PTK2B: variants seen among roughly 807,000 people sequenced by gnomAD.
The protein encoded by PTK2B is protein tyrosine kinase 2 beta, also known as protein-tyrosine kinase 2-beta.
In PTK2B, 71 loss-of-function variants were observed where a neutral mutation model predicts 142.9. The observed-to-expected ratio is 0.50, with a 90% CI of 0.41 to 0.61. The LOEUF (loss-of-function observed/expected upper bound fraction) is 0.61, where lower values mean the gene tolerates loss of function less well. PTK2B is among the 20% of genes least tolerant of loss of function. The pLI, the probability that PTK2B is intolerant of heterozygous loss-of-function variation, is 0.00. For missense variants in PTK2B, 1,105 were observed against 1,320.4 expected, an observed-to-expected ratio of 0.84 and a Z score of 2.53; for synonymous variants, 519 against 503.4, an observed-to-expected ratio of 1.03 and a Z score of -0.42.
chr8:27,428,243 C>T (rs1810203384), intron 5 of PTK2B, among the ~76,000 whole-genome samples: 1 of 152,210 alleles, frequency 6.6e-6, no homozygotes, highest in South Asian at 2.1e-4. Context: ...TGATGGGAGA[C>T]AGCTGTAAAT....
chr8:27,339,536 A>G (rs775059855), intron 1 of PTK2B, among the ~76,000 whole-genome samples: 1 of 152,228 alleles, frequency 6.6e-6, no homozygotes, highest in Admixed American at 6.5e-5. Context: ...AATACTGGGC[A>G]AGAAGGTAAG....
rs533628028 is a variant in PTK2B at position 27,444,886 on chromosome 8, C to G, written c.2214+615C>G. ...TCCCCTCAACCACCAGAAATAATGT[C>G]CATTTAGTTGGTGCCCTTTATAGAA... On this transcript the variant is annotated intron_variant, in intron 23 of 30. Transcript: ENST00000346049. 6.1e-4 allele frequency among the ~76,000 whole-genome samples: 93 copies of G among 152,276 alleles called. No homozygotes were observed. The Middle Eastern group carries it at 0.01, about 17-fold the overall frequency.
chr8:27,316,912 T>C (rs1313623575), intron 3 of PTK2B, among the ~76,000 whole-genome samples: 8 of 152,230 alleles, frequency 5.3e-5, no homozygotes, highest in Admixed American at 2.6e-4. Flanking sequence ...AAGCTACATA[T>C]AGATAAAATG....
chr8:27,337,270 G>A (rs1384984635), intron 1 of PTK2B, among the ~76,000 whole-genome samples: 2 of 152,014 alleles, frequency 1.3e-5, no homozygotes, highest in African/African-American at 4.8e-5. Context: ...CAAGTAGCTG[G>A]AATTACAGGC....
chr8:27,348,197 G>C (rs1804826156), intron 1 of PTK2B, among the ~76,000 whole-genome samples: 1 of 152,232 alleles, frequency 6.6e-6, no homozygotes. Flanking sequence ...GATGCCTGAA[G>C]TCTGTCCACT....
intron 2 of PTK2B, among the ~76,000 whole-genome samples, chr8:27,415,356 T>C (rs2131731918): frequency 6.6e-6 from 1 of 152,330 alleles, no homozygotes; most frequent in African/African-American, 2.4e-5. Context: ...TTAAAAGGTA[T>C]TCTCTGCTCC....
intron 1 of PTK2B, among the ~76,000 whole-genome samples, chr8:27,366,275 C>T (rs1806014202): frequency 6.6e-6 from 1 of 152,248 alleles, no homozygotes; most frequent in African/African-American, 2.4e-5. Flanking sequence ...CCTTCCATCT[C>T]TTCATCCCCC....
intron 1 of PTK2B, among the ~76,000 whole-genome samples, chr8:27,369,937 A>G (rs1806245895): frequency 1.3e-5 from 2 of 152,178 alleles, no homozygotes; most frequent in Admixed American, 6.5e-5. Flanking sequence ...AGATCACACC[A>G]CTGCACTCCA....
intron 1 of PTK2B, among the ~76,000 whole-genome samples, chr8:27,381,919 C>T (rs1205808772): frequency 6.6e-6 from 1 of 152,168 alleles, no homozygotes; most frequent in Non-Finnish European, 1.5e-5. Context: ...TGATATCGAG[C>T]ATATTTTCAT....
At chr8:27,357,746 A>G (rs976709218) in intron 1 of PTK2B, among the ~76,000 whole-genome samples, 2 of 152,372 alleles carry the variant, frequency 1.3e-5, no homozygotes, top group Admixed American at 6.5e-5. Context: ...GTGCTCTGGC[A>G]TAATAGAAAA....
chr8:27,453,304 C>A, intron 28 of PTK2B, 144 bp downstream of exon 28: 1 of 989,466 alleles, frequency 1.0e-6, no homozygotes, highest in Non-Finnish European at 1.5e-6. Flanking sequence ...GGTTAGGGGG[C>A]GGGTGGCGGG....
intron 5 of PTK2B, among the ~76,000 whole-genome samples, chr8:27,423,188 T>TA (rs1208195088): frequency 1.3e-5 from 2 of 152,046 alleles, no homozygotes; most frequent in African/African-American, 2.4e-5. Context: ...AATGACAGTC[T>TA]AAAAAAATAG....
intron 5 of PTK2B, among the ~76,000 whole-genome samples, chr8:27,424,705 G>A (rs1809969024): frequency 6.6e-6 from 1 of 152,176 alleles, no homozygotes; most frequent in Admixed American, 6.5e-5. Flanking sequence ...AAGAGAATTG[G>A]ACACACTTCG....
At chr8:27,346,953 C>A (rs1188459141) in intron 1 of PTK2B, among the ~76,000 whole-genome samples, 1 of 152,220 alleles carries the variant, frequency 6.6e-6, no homozygotes, top group Non-Finnish European at 1.5e-5. Context: ...GAGCTACCCA[C>A]CGCATTATCC....
At chr8:27,395,724 G>A (rs1357235273) in intron 1 of PTK2B, among the ~76,000 whole-genome samples, 1 of 152,172 alleles carries the variant, frequency 6.6e-6, no homozygotes, top group African/African-American at 2.4e-5. Flanking sequence ...GGCTCCTAGA[G>A]TTCCCAGTAG....
chr8:27,320,704 T>C (rs1264055995), upstream of PTK2B, among the ~76,000 whole-genome samples: 4 of 152,184 alleles, frequency 2.6e-5, no homozygotes, highest in African/African-American at 4.8e-5. Context: ...TCCCTTAAAG[T>C]GCCACCCTTT....
chr8:27,414,493 G>A (rs368424163), intron 2 of PTK2B, among the ~76,000 whole-genome samples: 78 of 148,606 alleles, frequency 5.2e-4, no homozygotes, highest in African/African-American at 1.7e-3. Flanking sequence ...TGATCCGCCC[G>A]CCTCAGCCTC....
chr8:27,450,954 C>A (rs1266754196), intron 25 of PTK2B, 59 bp downstream of exon 25: 37 of 1,612,322 alleles, frequency 2.3e-5, no homozygotes, highest in Non-Finnish European at 3.1e-5. Flanking sequence ...CTTCCACCTC[C>A]CCAGGTGGCT....
intron 24 of PTK2B, among the ~76,000 whole-genome samples, chr8:27,446,263 A>T (rs113105674): frequency 3.9e-5 from 6 of 152,316 alleles, no homozygotes; most frequent in African/African-American, 1.4e-4. Flanking sequence ...GGCACAGCAC[A>T]GCTTAGTGGT....
Sources: allele counts gnomAD v4.1 joint callset (sites outside exome capture counted in the v4.1 genomes callset), GRCh38; gene constraint gnomAD v4.1.1; transcripts MANE v1.5; gene names NCBI Gene and HGNC (gene_info 2026-07-23, HGNC 2026-07-21).